Variants in CSMD1 observed in about 807,000 individuals in gnomAD.
CSMD1 encodes the protein CUB and sushi domain-containing protein 1.
Under a neutral mutation model 417.5 loss-of-function variants are expected in CSMD1, and 213 were observed. The ratio of observed to expected loss-of-function variants is 0.51; its 90% CI spans 0.46 to 0.57. CSMD1 has a LOEUF of 0.57. Among genes scored for constraint, CSMD1 ranks in the 20% least tolerant of loss-of-function variants. The pLI is 0.00. For missense variants in CSMD1, 6,923 were observed against 4,529.7 expected (o/e 1.53, Z -15.17); for synonymous variants, 2,862 against 1,736.8 (o/e 1.65, Z -16.11).
chr8:3,923,749 T>A (rs1026956146), intron 5 of CSMD1, among the ~76,000 whole-genome samples: 3 of 152,172 alleles, frequency 2.0e-5, no homozygotes, highest in African/African-American at 7.2e-5. Context: ...TTTATACCCT[T>A]TGACAAACAT....
At chr8:4,745,520 C>A (rs1182548857) in intron 1 of CSMD1, among the ~76,000 whole-genome samples, 1 of 152,046 alleles carries the variant, frequency 6.6e-6, no homozygotes, top group Non-Finnish European at 1.5e-5. Context: ...TTTTAAGAAC[C>A]CATTCAGGCT....
chr8:4,129,572 A>T (rs1411407316), intron 3 of CSMD1, among the ~76,000 whole-genome samples: 1 of 87,294 alleles, frequency 1.1e-5, no homozygotes. Context: ...TAGGTTATTT[A>T]CTTTACGTTT....
chr8:3,586,330 A>T, intron 8 of CSMD1, 70 bp from the exon 9 acceptor site: 1 of 1,404,954 alleles, frequency 7.1e-7, no homozygotes, highest in Non-Finnish European at 9.5e-7. Flanking sequence ...AAAAAAAAAA[A>T]ATCAGCAAAA....
At chr8:4,799,369 G>C (rs1407132089) in intron 1 of CSMD1, among the ~76,000 whole-genome samples, 2 of 151,878 alleles carry the variant, frequency 1.3e-5, no homozygotes, top group East Asian at 3.9e-4. Context: ...TTTAGCCCTA[G>C]ATCATATAAG....
chr8:4,481,570 T>G (rs771262705), intron 2 of CSMD1, among the ~76,000 whole-genome samples: 1 of 152,178 alleles, frequency 6.6e-6, no homozygotes, highest in Non-Finnish European at 1.5e-5. Context: ...CGGACTAAGC[T>G]AATATTTTTC....
rs117835283 is a variant in CSMD1, at chr8:4,451,574, A to C, written c.303-31509T>G. ...AAAGGGTGAGCGATAGAGTGAAGAC[A>C]AAGAAAGCCTTAAAAAGAAGACCAT... On this transcript the variant is annotated intron_variant, in intron 2 of 69. Coordinates refer to ENST00000635120, the MANE Select transcript of CSMD1 (RefSeq NM_033225.6). 7.5e-3 allele frequency among the ~76,000 whole-genome samples: 1,143 copies of C among 152,310 alleles called. 7 individuals carry two copies. Among genetic ancestry groups the C allele is most frequent in the Non-Finnish European group, 0.013 (853 of 68,024 alleles).
chr8:4,465,098 G>T (rs1444432211), intron 2 of CSMD1, among the ~76,000 whole-genome samples: 3 of 152,082 alleles, frequency 2.0e-5, no homozygotes, highest in African/African-American at 7.2e-5. Flanking sequence ...GGTTTTCACT[G>T]GGAGACACTA....
chr8:4,109,044 T>A (rs140787484), intron 3 of CSMD1, among the ~76,000 whole-genome samples: 2 of 152,322 alleles, frequency 1.3e-5, no homozygotes, highest in East Asian at 3.9e-4. Flanking sequence ...GATGCTCAAG[T>A]CCGTCATATA....
intron 3 of CSMD1, among the ~76,000 whole-genome samples, chr8:4,046,945 A>C (rs545765990): frequency 2.6e-5 from 4 of 152,102 alleles, no homozygotes; most frequent in African/African-American, 9.6e-5. Flanking sequence ...TTGAGTCCTA[A>C]CTCCACCTTT....
chr8:3,273,212 CT>C (rs1162959400), intron 26 of CSMD1, among the ~76,000 whole-genome samples: 1 of 150,834 alleles, frequency 6.6e-6, no homozygotes, highest in Non-Finnish European at 1.5e-5. Flanking sequence ...GTCTTTGGTT[CT>C]GTTTATATGC....
chr8:4,093,924 C>G (rs145273608), intron 3 of CSMD1, among the ~76,000 whole-genome samples: 1 of 151,770 alleles, frequency 6.6e-6, no homozygotes, highest in South Asian at 2.1e-4. Context: ...TGCGCCATTA[C>G]GCTCCAACCT....
chr8:3,553,613 C>A (rs10100985), intron 10 of CSMD1, among the ~76,000 whole-genome samples: 72,212 of 152,056 alleles, frequency 0.47, 17,632 homozygotes, highest in East Asian at 0.55. Context: ...GATGTCCCTC[C>A]CAGCATTGCT....
At chr8:3,968,182 G>A (rs1039153297) in intron 5 of CSMD1, among the ~76,000 whole-genome samples, 8 of 111,638 alleles carry the variant, frequency 7.2e-5, no homozygotes, top group South Asian at 7.1e-4. Context: ...GCGAGACTCC[G>A]TCTCAAATAA....
chr8:3,861,868 G>A (rs1412533333), intron 5 of CSMD1, among the ~76,000 whole-genome samples: 1 of 152,158 alleles, frequency 6.6e-6, no homozygotes, highest in African/African-American at 2.4e-5. Flanking sequence ...TGGAGCCTAA[G>A]AAAACCCACA....
At chr8:3,527,265 G>A (rs1016862828) in intron 10 of CSMD1, among the ~76,000 whole-genome samples, 3 of 152,098 alleles carry the variant, frequency 2.0e-5, no homozygotes, top group African/African-American at 7.2e-5. Context: ...CGCTGATAGG[G>A]AATTATAATG....
Position 3,485,757 on chromosome 8 carries a change from C to G in CSMD1, c.1448+7866G>C, listed in dbSNP as rs76395093. On this transcript the variant is annotated intron_variant, in intron 11 of 69. Transcript: ENST00000635120. ...CCTGGGTGACAGAGCGAGACTCAGC[C>G]TCAAAAAAATAAAATAAAATAAAAT... Among the ~76,000 whole-genome samples the G allele has an allele frequency of 5.6e-3, 659 of 117,154 alleles. 18 individuals carry two copies. Among genetic ancestry groups the G allele is most frequent in the East Asian group, 0.053 (249 of 4,656 alleles). 76.9% of individuals were successfully genotyped at this position (117,154 alleles called of 152,430 possible).
intron 1 of CSMD1, among the ~76,000 whole-genome samples, chr8:4,795,296 G>C (rs547555475): frequency 2.2e-4 from 14 of 64,282 alleles, no homozygotes; most frequent in South Asian, 2.1e-3. Context: ...TTTTGAGATG[G>C]AGTCCTGCTC....
intron 2 of CSMD1, among the ~76,000 whole-genome samples, chr8:4,545,965 G>C (rs543328920): frequency 6.6e-6 from 1 of 150,588 alleles, no homozygotes; most frequent in Non-Finnish European, 1.5e-5. Context: ...CTCCCATGTC[G>C]CCTGAATCCC....
At chr8:3,106,149 G>A (rs1816120453) in intron 46 of CSMD1, among the ~76,000 whole-genome samples, 1 of 151,324 alleles carries the variant, frequency 6.6e-6, no homozygotes, top group South Asian at 2.1e-4. Context: ...AATCTGGGAA[G>A]CTGAGGCAGG....
Sources: allele counts gnomAD v4.1 joint callset (sites outside exome capture counted in the v4.1 genomes callset), GRCh38; gene constraint gnomAD v4.1.1; transcripts MANE v1.5; gene names NCBI Gene and HGNC (gene_info 2026-07-23, HGNC 2026-07-21).